Variants in CDH13 observed in about 807,000 individuals in gnomAD.
CDH13 encodes cadherin 13.
Under a neutral mutation model 63.8 loss-of-function variants are expected in CDH13, and 24 were observed. The ratio of observed to expected loss-of-function variants is 0.38; its 90% CI spans 0.27 to 0.53. The LOEUF is 0.53. Ranked by LOEUF, CDH13 falls within the 20% of genes least tolerant of loss-of-function variation. CDH13 has a pLI of 0.85. For synonymous variants in CDH13, 503 were observed against 355.3 expected, an observed-to-expected ratio of 1.42 and a Z score of -4.67; for missense variants, 1,049 against 903.1, an observed-to-expected ratio of 1.16 and a Z score of -2.07.
At chr16:83,481,733 A>G (rs2073770249) in intron 6 of CDH13, among the ~76,000 whole-genome samples, 2 of 152,168 alleles carry the variant, frequency 1.3e-5, no homozygotes, top group African/African-American at 4.8e-5. Context: ...TCAGGGAGTG[A>G]CAGGGTGATT....
At chr16:83,470,015 G>C (rs1199223285) in intron 6 of CDH13, among the ~76,000 whole-genome samples, 3 of 152,120 alleles carry the variant, frequency 2.0e-5, no homozygotes, top group African/African-American at 7.2e-5. Flanking sequence ...TAGTCTCTGG[G>C]TGATACTTGT....
intron 2 of CDH13, among the ~76,000 whole-genome samples, chr16:82,985,551 G>A (rs912127444): frequency 6.6e-6 from 1 of 152,156 alleles, no homozygotes; most frequent in Admixed American, 6.5e-5. Context: ...AGAGATAGGT[G>A]CGTGGTTTTA....
chr16:83,486,764 G>C (rs572450231), intron 7 of CDH13, 109 bp downstream of exon 7: 2 of 949,064 alleles, frequency 2.1e-6, no homozygotes, highest in South Asian at 3.2e-5. Flanking sequence ...TGTAAAGGCA[G>C]AAATGAGGTG....
At chr16:83,537,287 A>G (rs550871704) in intron 7 of CDH13, among the ~76,000 whole-genome samples, 1 of 152,338 alleles carries the variant, frequency 6.6e-6, no homozygotes, top group East Asian at 1.9e-4. Context: ...CAACTGGGAC[A>G]ATGAATTGGC....
rs1459399385 is a variant in CDH13, at chr16:83,047,962, A to C, written c.366+15744A>C. On this transcript the variant is annotated intron_variant, in intron 3 of 13. Transcript: ENST00000567109. This position sits in a 1 kb window ranked among gnomAD's most constrained non-coding sequence, Gnocchi z 4.9. ...GAATATTTTGGAGACATATTTTTGC[A>C]CTCAGACTCCTCAAAAAAACATTTA... 2.0e-5 allele frequency among the ~76,000 whole-genome samples: 3 copies of C among 152,160 alleles called. No individual in the cohort carries two copies. The highest frequency in any genetic ancestry group is 1.3e-4 in the Admixed American group (2 of 15,268).
At chr16:82,643,156 A>G (rs143341597) in intron 1 of CDH13, among the ~76,000 whole-genome samples, 52 of 152,338 alleles carry the variant, frequency 3.4e-4, no homozygotes, top group Non-Finnish European at 6.8e-4. Flanking sequence ...CTCTCTGTAA[A>G]TAAACCCCAA....
intron 3 of CDH13, among the ~76,000 whole-genome samples, chr16:83,067,975 A>G (rs1347071076): frequency 6.6e-6 from 1 of 152,234 alleles, no homozygotes; most frequent in East Asian, 1.9e-4. Flanking sequence ...CCTCATTCTC[A>G]ACTCTGAGGC....
At chr16:82,706,325 G>T (rs996859218) in intron 1 of CDH13, among the ~76,000 whole-genome samples, 1 of 152,172 alleles carries the variant, frequency 6.6e-6, no homozygotes, top group Non-Finnish European at 1.5e-5. Context: ...TAAGAAAAAT[G>T]GCCAGCGAGT....
At chr16:83,660,987 G>T (rs1463791379) in intron 8 of CDH13, among the ~76,000 whole-genome samples, 2 of 150,032 alleles carry the variant, frequency 1.3e-5, no homozygotes, top group Non-Finnish European at 3.0e-5. Context: ...ACCATCTAAT[G>T]TAATATTTAT....
At chr16:83,514,809 G>A (rs1281941800) in intron 7 of CDH13, among the ~76,000 whole-genome samples, 2 of 152,182 alleles carry the variant, frequency 1.3e-5, no homozygotes, top group Non-Finnish European at 2.9e-5. Context: ...GCCGGGAACA[G>A]ATGTTCCCTC....
At chr16:82,773,915 C>T (rs954336017) in intron 1 of CDH13, among the ~76,000 whole-genome samples, 1 of 151,974 alleles carries the variant, frequency 6.6e-6, no homozygotes, top group African/African-American at 2.4e-5. Flanking sequence ...TCCCAAGTAG[C>T]TGGGATTACA....
Position 83,602,459 on chromosome 16 carries a change from G to A in CDH13, c.966G>A (p.Leu322=). 1 of 1,613,950 alleles carries A rather than the reference G, an allele frequency of 6.2e-7. No homozygotes were observed. Among genetic ancestry groups the A allele is most frequent in the Non-Finnish European group, 8.5e-7 (1 of 1,179,846 alleles). ...TTTGTGCTTGTGCTTTGTAGACTCT[G>A]GAAAATCCCAAGTATGAACTGATCA... ...VSPALLDRET[L]ENPKYELIIE... is the part of the protein sequence containing the mutation. The change falls in exon 8 of 14, where the codon CTG becomes CTA. Residue 322 remains leucine (L), a synonymous_variant. Transcript: ENST00000567109.
At chr16:83,788,507 T>C (rs1763603260) in intron 13 of CDH13, among the ~76,000 whole-genome samples, 1 of 152,128 alleles carries the variant, frequency 6.6e-6, no homozygotes, top group Admixed American at 6.5e-5. Flanking sequence ...GGCAGTATTT[T>C]TTTCTTACCA....
intron 1 of CDH13, among the ~76,000 whole-genome samples, chr16:82,833,878 T>A (rs1313805606): frequency 6.6e-6 from 1 of 152,192 alleles, no homozygotes; most frequent in East Asian, 1.9e-4. Flanking sequence ...GATCGACATG[T>A]GAGCCCAGAG....
intron 7 of CDH13, among the ~76,000 whole-genome samples, chr16:83,521,989 C>T (rs1271344883): frequency 1.3e-5 from 2 of 152,204 alleles, no homozygotes; most frequent in Non-Finnish European, 2.9e-5. Context: ...TAGAGCCCCT[C>T]ATGTGAGGGA....
intron 2 of CDH13, among the ~76,000 whole-genome samples, chr16:82,907,685 A>G (rs550653103): frequency 1.3e-5 from 2 of 152,322 alleles, no homozygotes; most frequent in African/African-American, 4.8e-5. Context: ...AACTGGAGGA[A>G]GAGGTTCCCG....
At chr16:83,676,388 G>A (rs889800562) in intron 9 of CDH13, among the ~76,000 whole-genome samples, 5 of 152,206 alleles carry the variant, frequency 3.3e-5, no homozygotes, top group African/African-American at 9.6e-5. Flanking sequence ...CCCACCCTCA[G>A]CGTCGTCATG....
In CDH13 at chr16:82,726,321, G is replaced by T. The variant is rs533102629; in HGVS notation, c.45+99184G>T. ...ACAGCTACTCAATTCAGCCAATATA[G>T]TATAAAAGCAGCAAGAAGATACATA... On this transcript the variant is annotated intron_variant, in intron 1 of 13. Coordinates refer to ENST00000567109, the MANE Select transcript of CDH13 (RefSeq NM_001257.5). Among the ~76,000 whole-genome samples, 3 of 152,272 alleles carry T rather than the reference G, an allele frequency of 2.0e-5. No homozygotes were observed. The East Asian group carries it at 5.8e-4, about 29-fold the overall frequency.
intron 2 of CDH13, among the ~76,000 whole-genome samples, chr16:82,944,708 C>T (rs1173850052): frequency 1.3e-5 from 2 of 151,992 alleles, no homozygotes; most frequent in Non-Finnish European, 2.9e-5. Flanking sequence ...ATTACTGCTC[C>T]CTTCTAAAAC....
Sources: allele counts gnomAD v4.1 joint callset (sites outside exome capture counted in the v4.1 genomes callset), GRCh38; gene constraint gnomAD v4.1.1; non-coding constraint Gnocchi (gnomAD v3.1); transcripts MANE v1.5; gene names NCBI Gene and HGNC (gene_info 2026-07-23, HGNC 2026-07-21).